FNTA: variants seen among roughly 807,000 people sequenced by gnomAD.
FNTA encodes the protein protein farnesyltransferase/geranylgeranyltransferase type-1 subunit alpha.
Under a neutral mutation model 55.2 loss-of-function variants are expected in FNTA, and 27 were observed. That is an observed-to-expected ratio of 0.49 (90% CI 0.36 to 0.67). FNTA has a LOEUF of 0.67. Among genes scored for constraint, FNTA ranks in the 30% least tolerant of loss-of-function variants. The pLI, the probability that FNTA is intolerant of heterozygous loss-of-function variation, is 0.00. For synonymous variants in FNTA, 176 were observed against 170.7 expected (o/e 1.03, Z -0.24); for missense variants, 422 against 464.7 (o/e 0.91, Z 0.85).
At chr8:43,075,960 C>T (rs1465176961) in intron 5 of FNTA, among the ~76,000 whole-genome samples, 5 of 151,840 alleles carry the variant, frequency 3.3e-5, no homozygotes, top group African/African-American at 7.2e-5. Flanking sequence ...CCTTAAACTC[C>T]GGGGCTCAAG....
intron 3 of FNTA, among the ~76,000 whole-genome samples, chr8:43,065,938 ACT>A (rs1810647583): frequency 6.6e-6 from 1 of 150,580 alleles, no homozygotes; most frequent in Admixed American, 6.6e-5. Context: ...GAATTTTAAA[ACT>A]CTTTTTCTGT....
chr8:43,078,006 G>A (rs2130568143), intron 6 of FNTA: 1 of 152,308 alleles, frequency 6.6e-6, no homozygotes, highest in East Asian at 1.9e-4. Flanking sequence ...TTCAGAGCCT[G>A]ATGAGATGGG....
intron 4 of FNTA, 88 bp from the exon 5 acceptor site, chr8:43,072,093 T>C: frequency 9.4e-7 from 1 of 1,060,970 alleles, no homozygotes; most frequent in South Asian, 2.8e-5. Flanking sequence ...TTGTGTGTCC[T>C]TTCATGTCAC....
chr8:43,073,363 TACTG>T (rs761372309), intron 5 of FNTA: 1 of 152,226 alleles, frequency 6.6e-6, no homozygotes, highest in Non-Finnish European at 1.5e-5. Flanking sequence ...GCATGCTTCT[TACTG>T]AAATTATCAT....
In FNTA at chr8:43,064,164, T is replaced by C. The variant is rs1416511556; in HGVS notation, c.350T>C (p.Phe117Ser). Residue 117 changes from phenylalanine to serine, a missense_variant, in exon 3 of 9, where the codon TTT becomes TCT. Physicochemically the swap from Phe to Ser is radical, Grantham distance 155. Transcript: ENST00000302279. ...CGTGATGAAAGAAGTGAACGAGCTT[T>C]TAAGCTAACCCGGGATGCTATTGAG... ...LQRDERSERA[F>S]KLTRDAIELN... The C allele has an allele frequency of 1.2e-6, 2 of 1,614,190 alleles. No homozygotes were observed. The highest frequency in any genetic ancestry group is 1.7e-6 in the Non-Finnish European group (2 of 1,180,000).
At chr8:43,058,531 G>A (rs768062435) in intron 1 of FNTA, among the ~76,000 whole-genome samples, 2 of 152,136 alleles carry the variant, frequency 1.3e-5, no homozygotes, top group African/African-American at 2.4e-5. Context: ...CAGCACTTTG[G>A]GAGGCCGAGG....
chr8:43,083,357 G>A (rs1364590332), intron 7 of FNTA, among the ~76,000 whole-genome samples, 177 bp downstream of exon 7: 1 of 152,064 alleles, frequency 6.6e-6, no homozygotes, highest in Non-Finnish European at 1.5e-5. Flanking sequence ...GCCCTTCTAT[G>A]CACCTCCCAA....
chr8:43,059,617 G>T (rs958927767), intron 2 of FNTA, among the ~76,000 whole-genome samples: 1 of 152,154 alleles, frequency 6.6e-6, no homozygotes, highest in Non-Finnish European at 1.5e-5. Flanking sequence ...AAAATGAGTG[G>T]ATTTTTTTCT....
rs1381929323 is a variant in FNTA at position 43,085,254 on chromosome 8, A to G, written c.1112A>G (p.Asn371Ser). 2 of 1,608,750 alleles carry G rather than the reference A, an allele frequency of 1.2e-6. No homozygotes were observed. The highest frequency in any genetic ancestry group is 4.5e-5 in the East Asian group (2 of 44,820). Residue 371 changes from asparagine (N) to serine (S), a missense_variant, in exon 9 of 9, where the codon AAT becomes AGT. This residue lies in a region of FNTA where 262 missense variants were observed against 343.1 expected (regional missense o/e 0.76). Transcript: ENST00000302279. ...RSLQSKHSTENDSPTNVQQ is the reference protein window; with the variant it reads ...RSLQSKHSTESDSPTNVQQ ...CTTCAAAGCAAACACAGCACAGAAA[A>G]TGACTCACCAACAAATGTACAGCAA...
chr8:43,085,081 GTTAAA>G, intron 8 of FNTA, 74 bp from the exon 9 acceptor site: 3 of 1,288,732 alleles, frequency 2.3e-6, no homozygotes, highest in Middle Eastern at 2.0e-4. Flanking sequence ...TGTGATTTGA[GTTAAA>G]TTGTATTGGC....
At chr8:43,085,029 G>T in intron 8 of FNTA, 131 bp from the exon 9 acceptor site, 2 of 1,123,134 alleles carry the variant, frequency 1.8e-6, no homozygotes, top group South Asian at 1.5e-5. Flanking sequence ...ACATCACTTG[G>T]CAACACAGCC....
intron 2 of FNTA, among the ~76,000 whole-genome samples, 180 bp from the exon 3 acceptor site, chr8:43,063,921 T>C (rs1810593952): frequency 6.6e-6 from 1 of 152,270 alleles, no homozygotes; most frequent in South Asian, 2.1e-4. Flanking sequence ...CCATGCTTTT[T>C]GTGGCTGAGG....
At chr8:43,061,640 T>C (rs1563325596) in intron 2 of FNTA, among the ~76,000 whole-genome samples, 1 of 152,202 alleles carries the variant, frequency 6.6e-6, no homozygotes, top group Non-Finnish European at 1.5e-5. Context: ...AGATCTATTA[T>C]AACATGAACA....
rs753691305 is a variant in FNTA, at chr8:43,084,830, G to A, written c.966G>A (p.Met322Ile). ...IAFLVDIYED[M>I]LENQCDNKED... ...TTCTTGTGGATATCTATGAAGACAT[G>A]CTAGAAAATCAGTGTGACAATAAGG... is the stretch of plus-strand genomic sequence containing the variant. The change falls in exon 8 of 9, where the codon ATG becomes ATA. Residue 322 changes from methionine to isoleucine, a missense_variant. Coordinates refer to ENST00000302279, the MANE Select transcript of FNTA (RefSeq NM_002027.3). The A allele has an allele frequency of 3.1e-6, 5 of 1,613,876 alleles. No homozygotes were observed. Among genetic ancestry groups the A allele is most frequent in the Non-Finnish European group, 4.2e-6 (5 of 1,179,952 alleles).
chr8:43,063,276 T>TC (rs1482349172), intron 2 of FNTA: 1 of 456,054 alleles, frequency 2.2e-6, no homozygotes. Flanking sequence ...AGGCGGAGTT[T>TC]CCCTAAGTTG....
At position 43,056,333 on chromosome 8, in the gene FNTA, C is replaced by T. The variant is rs1284058347; in HGVS notation, c.-14C>T. 1.4e-6 allele frequency: 2 copies of T among 1,404,052 alleles called. No individual in the cohort carries two copies. The highest frequency in any genetic ancestry group is 1.8e-6 in the Non-Finnish European group (2 of 1,088,136). The allele number at this position is 1,404,052 out of a possible 1,614,324, so 87.0% of individuals were successfully genotyped here. A position where few individuals can be genotyped will look rare whatever the true frequency, so the allele number is the denominator to read the frequency against. ...GGGGCCTCCGCCACCACCTCAGCTG[C>T]GGACCGAGGCGAGATGGCGGCCACC... is the stretch of plus-strand genomic sequence containing the variant. On this transcript the variant is annotated 5_prime_UTR_variant, in exon 1 of 9. Transcript: ENST00000302279.
intron 3 of FNTA, among the ~76,000 whole-genome samples, chr8:43,065,611 C>T (rs1810637578): frequency 1.3e-5 from 2 of 151,194 alleles, no homozygotes; most frequent in South Asian, 2.1e-4. Flanking sequence ...TTTCTTTGTA[C>T]CAATAGGTAA....
At chr8:43,073,942 A>G (rs952583606) in intron 5 of FNTA, among the ~76,000 whole-genome samples, 2 of 152,236 alleles carry the variant, frequency 1.3e-5, no homozygotes, top group Non-Finnish European at 2.9e-5. Context: ...ATGAGGATTT[A>G]ATGAATTCAG....
At position 43,064,212 on chromosome 8, in the gene FNTA, T is replaced by G; in HGVS notation, c.398T>G (p.Val133Gly). 1.9e-6 allele frequency: 3 copies of G among 1,585,972 alleles called. No homozygotes were observed. Among genetic ancestry groups the G allele is most frequent in the Non-Finnish European group, 2.6e-6 (3 of 1,154,602 alleles). The part of the protein sequence containing the change: ...AIELNAANYT[V>G]WHFRRVLLKS... ...GAGTTAAATGCAGCCAATTATACAG[T>G]GTGGTAAGTAATACACATCATCAGT... Residue 133 changes from valine (V) to glycine (G), a missense_variant, in exon 3 of 9, where the codon GTG (valine) becomes GGG (glycine). Val to Gly is a moderately radical substitution (Grantham distance 109, BLOSUM62 -3). This residue lies in a region of FNTA where 262 missense variants were observed against 343.1 expected (regional missense o/e 0.76). Transcript: ENST00000302279.
Sources: gnomAD v4.1 joint callset for allele counts (sites outside exome capture counted in the v4.1 genomes callset) on GRCh38, gnomAD v4.1.1 for gene constraint, gnomAD v4.1.1 regional missense constraint, MANE v1.5 for transcripts, NCBI Gene and HGNC (gene_info 2026-07-23, HGNC 2026-07-21) for gene names.